The following NOSTRIN variants were observed in gnomAD, a reference collection of about 807,000 sequenced individuals.
The protein encoded by NOSTRIN is nitric oxide synthase trafficking.
Under a neutral mutation model 59.0 loss-of-function variants are expected in NOSTRIN, and 63 were observed. The observed-to-expected ratio is 1.07, with a 90% CI of 0.87 to 1.32. The LOEUF is 1.32. Among genes scored for constraint, NOSTRIN ranks in the 40% most tolerant of loss-of-function variants. NOSTRIN has a pLI of 0.00. For synonymous variants in NOSTRIN, 200 were observed against 165.4 expected, an observed-to-expected ratio of 1.21 and a Z score of -1.61; for missense variants, 512 against 473.1, an observed-to-expected ratio of 1.08 and a Z score of -0.76.
intron 2 of NOSTRIN, among the ~76,000 whole-genome samples, chr2:168,814,761 C>T (rs1439401596): frequency 6.6e-6 from 1 of 152,148 alleles, no homozygotes; most frequent in Non-Finnish European, 1.5e-5. Context: ...TAAATACTTG[C>T]AGACTGAATA....
intron 7 of NOSTRIN, among the ~76,000 whole-genome samples, chr2:168,834,576 A>C (rs1687611283): frequency 6.7e-6 from 1 of 149,828 alleles, no homozygotes; most frequent in Non-Finnish European, 1.5e-5. Context: ...TAATTCTTTT[A>C]AATAGAAGGG....
At chr2:168,836,091 AATTC>A (rs1687702895) in intron 7 of NOSTRIN, among the ~76,000 whole-genome samples, 1 of 152,166 alleles carries the variant, frequency 6.6e-6, no homozygotes, top group Non-Finnish European at 1.5e-5. Context: ...GAATAACTTA[AATTC>A]ATTGTTAGCA....
chr2:168,818,113 C>T (rs1488066374), intron 2 of NOSTRIN: 7 of 174,226 alleles, frequency 4.0e-5, no homozygotes, highest in Non-Finnish European at 7.7e-5. Context: ...GACTCTGTCA[C>T]CTGCTTCTTT....
intron 13 of NOSTRIN, among the ~76,000 whole-genome samples, chr2:168,860,537 G>T (rs1392463604): frequency 5.3e-5 from 8 of 152,100 alleles, no homozygotes. Context: ...CAGGCATGGT[G>T]GTGGGCACCT....
At chr2:168,788,804 A>T (rs577173136) in intron 2 of NOSTRIN, among the ~76,000 whole-genome samples, 43 of 152,320 alleles carry the variant, frequency 2.8e-4, no homozygotes, top group African/African-American at 9.9e-4. Context: ...ATGGTTTTTA[A>T]TAAGTAGATA....
intron 1 of NOSTRIN, among the ~76,000 whole-genome samples, chr2:168,806,923 G>T (rs985498496): frequency 2.0e-5 from 3 of 152,040 alleles, no homozygotes; most frequent in Admixed American, 1.3e-4. Flanking sequence ...ACACTTAAAG[G>T]CTACTATAAC....
At chr2:168,838,789 C>CT (rs71003059) in intron 7 of NOSTRIN, among the ~76,000 whole-genome samples, 73,495 of 136,184 alleles carry the variant, frequency 0.54, 20,060 homozygotes, top group South Asian at 0.7. Context: ...AAAAAAAACT[C>CT]TTTTTTTTTT....
intron 7 of NOSTRIN, among the ~76,000 whole-genome samples, chr2:168,835,497 G>GCC (rs1687667148): frequency 6.6e-6 from 1 of 152,198 alleles, no homozygotes; most frequent in Admixed American, 6.5e-5. Context: ...CATCAGCTTG[G>GCC]ACATTTTGCT....
chr2:168,789,858 A>G (rs1411457705), intron 2 of NOSTRIN, among the ~76,000 whole-genome samples: 2 of 152,186 alleles, frequency 1.3e-5, no homozygotes, highest in African/African-American at 4.8e-5. Flanking sequence ...GCCAGCTCTG[A>G]GCGTATTTTC....
At chr2:168,835,447 A>G (rs1687664365) in intron 7 of NOSTRIN, among the ~76,000 whole-genome samples, 1 of 152,200 alleles carries the variant, frequency 6.6e-6, no homozygotes, top group African/African-American at 2.4e-5. Flanking sequence ...TTGCCCTTTC[A>G]TGTGGGTAGT....
Position 168,846,025 on chromosome 2 carries a change from CA to C in NOSTRIN, c.630+2910del, listed in dbSNP as rs1352711843. ...AGAGCCATCTCAAGCCCATTAGCCACAACGTGAGACGACTTCTGTCCAGTCA... is the reference window on the plus strand; with the variant it reads ...AGAGCCATCTCAAGCCCATTAGCCACACGTGAGACGACTTCTGTCCAGTCA... On this transcript the variant is annotated intron_variant, in intron 8 of 15. Transcript: ENST00000317647. 2.6e-5 allele frequency among the ~76,000 whole-genome samples: 4 copies of C among 152,288 alleles called. No homozygotes were observed. In the East Asian group the frequency reaches 7.7e-4, roughly 29 times the overall value.
rs1161662685 is a variant in NOSTRIN at position 168,864,849 on chromosome 2, T to C, written c.1400T>C (p.Ile467Thr). The C allele has an allele frequency of 6.2e-7, 1 of 1,613,912 alleles. No individual in the cohort carries two copies. Among genetic ancestry groups the C allele is most frequent in the Non-Finnish European group, 8.5e-7 (1 of 1,179,884 alleles). The stretch of plus-strand genomic sequence containing the variant: ...ATTTTCACAGGTGACATTGTGATTA[T>C]ACACGAGAAAAAAGAAGGAGGATGG... Reference protein sequence around the residue: ...LNLEKGDIVIIHEKKEGGWWF... With the variant: ...LNLEKGDIVITHEKKEGGWWF... Residue 467 changes from isoleucine (I) to threonine (T), a missense_variant, in exon 16 of 16, where the codon ATA becomes ACA. Physicochemically the swap from Ile to Thr is moderately conservative, Grantham distance 89 (BLOSUM62 -1). Coordinates refer to ENST00000317647, the MANE Select transcript of NOSTRIN (RefSeq NM_001039724.4).
rs528152611 is a variant in NOSTRIN, at chr2:168,806,899, C to G, written c.27+4226C>G. On this transcript the variant is annotated intron_variant, in intron 1 of 15. Transcript: ENST00000317647. ...CTGGTTAATGACATCAAGAAGCCAG[C>G]TGTATTGCACATAACACTTAAAGGC... is the stretch of plus-strand genomic sequence containing the variant. Among the ~76,000 whole-genome samples the G allele has an allele frequency of 2.0e-5, 3 of 152,280 alleles. No homozygotes were observed. In the East Asian group the frequency reaches 5.8e-4, roughly 29 times the overall value.
At chr2:168,811,396 T>C in intron 1 of NOSTRIN, 171 bp from the exon 2 acceptor site, 1 of 392,844 alleles carries the variant, frequency 2.5e-6, no homozygotes, top group Middle Eastern at 6.8e-4. Flanking sequence ...AGAAGAGACT[T>C]CATCTTTATT....
chr2:168,837,941 T>C (rs2105691329), intron 7 of NOSTRIN, among the ~76,000 whole-genome samples: 1 of 152,310 alleles, frequency 6.6e-6, no homozygotes, highest in African/African-American at 2.4e-5. Flanking sequence ...TTTGGCCTGA[T>C]CTTTATATAT....
intron 2 of NOSTRIN, among the ~76,000 whole-genome samples, chr2:168,822,713 T>C (rs531050478): frequency 6.6e-6 from 1 of 152,272 alleles, no homozygotes; most frequent in African/African-American, 2.4e-5. Context: ...AAATAGGACA[T>C]GGTAAAATAG....
At chr2:168,823,749 C>T (rs1043641348) in intron 2 of NOSTRIN, among the ~76,000 whole-genome samples, 17 of 152,256 alleles carry the variant, frequency 1.1e-4, no homozygotes, top group Admixed American at 1.0e-3. Context: ...ACAATTCAAC[C>T]CATTAGCATG....
intron 3 of NOSTRIN, among the ~76,000 whole-genome samples, chr2:168,826,166 G>A (rs1055322115): frequency 2.6e-5 from 4 of 152,110 alleles, no homozygotes; most frequent in East Asian, 3.9e-4. Flanking sequence ...GGCAGGGAAC[G>A]AAAGCTCTGT....
chr2:168,856,893 A>G, intron 12 of NOSTRIN, 115 bp downstream of exon 12: 8 of 888,582 alleles, frequency 9.0e-6, no homozygotes, highest in Non-Finnish European at 1.4e-5. Flanking sequence ...GACATAGAAC[A>G]ATCTAGTGGG....
Sources: allele counts gnomAD v4.1 joint callset (sites outside exome capture counted in the v4.1 genomes callset), GRCh38; gene constraint gnomAD v4.1.1; transcripts MANE v1.5; gene names NCBI Gene and HGNC (gene_info 2026-07-23, HGNC 2026-07-21).